The following FOXN3 variants were observed in gnomAD, a reference collection of about 807,000 sequenced individuals.
FOXN3 encodes the protein forkhead box N3.
In FOXN3, 7 loss-of-function variants were observed where a neutral mutation model predicts 38.4. That is an observed-to-expected ratio of 0.18 (90% CI 0.10 to 0.34). FOXN3 has a LOEUF of 0.34. FOXN3 is among the 10% of genes least tolerant of loss of function. The pLI is 1.00. For missense variants in FOXN3, 456 were observed against 613.4 expected (o/e 0.74, Z 2.71); for synonymous variants, 230 against 242.2 (o/e 0.95, Z 0.47).
chr14:89,339,498 C>T (rs1888554619), intron 3 of FOXN3, among the ~76,000 whole-genome samples: 1 of 152,170 alleles, frequency 6.6e-6, no homozygotes, highest in Non-Finnish European at 1.5e-5. Context: ...CCGTCTGCAC[C>T]AGGGCAAGCG....
chr14:89,200,035 A>C (rs902371977), intron 4 of FOXN3, among the ~76,000 whole-genome samples: 19 of 152,240 alleles, frequency 1.2e-4, no homozygotes, highest in Admixed American at 1.2e-3. Context: ...TACCCAACGG[A>C]TGACTGTGCT....
At chr14:89,584,231 T>C (rs980522692) in intron 1 of FOXN3, among the ~76,000 whole-genome samples, 7 of 151,826 alleles carry the variant, frequency 4.6e-5, no homozygotes, top group Non-Finnish European at 7.4e-5. Flanking sequence ...AACCCCATCT[T>C]TACTAAAAAT....
Position 89,511,233 on chromosome 14 carries a change from T to C in FOXN3, c.-14-98743A>G, listed in dbSNP as rs1474210474. ...TTTCTTTCTTTCTTTCTTTCTTTTCTTTCCTTTTCTTTCTTTTCTTTCTTT... is the reference window on the plus strand; with the variant it reads ...TTTCTTTCTTTCTTTCTTTCTTTTCCTTCCTTTTCTTTCTTTTCTTTCTTT... On this transcript the variant is annotated intron_variant, in intron 1 of 6. Coordinates refer to the FOXN3 transcript ENST00000345097. 2.4e-3 allele frequency among the ~76,000 whole-genome samples: 57 copies of C among 24,104 alleles called. 20 individuals are homozygous for C. The highest frequency in any genetic ancestry group is 9.3e-3 in the Non-Finnish European group (42 of 4,498). 15.8% of individuals were successfully genotyped at this position (24,104 alleles called of 152,430 possible).
At chr14:89,559,173 T>A (rs1431258053) in intron 1 of FOXN3, among the ~76,000 whole-genome samples, 1 of 149,480 alleles carries the variant, frequency 6.7e-6, no homozygotes, top group Non-Finnish European at 1.5e-5. Context: ...AAGACCAGCC[T>A]GGGCAATATA....
chr14:89,262,069 C>A (rs1401223281), intron 4 of FOXN3, among the ~76,000 whole-genome samples: 2 of 152,002 alleles, frequency 1.3e-5, no homozygotes, highest in Non-Finnish European at 2.9e-5. Flanking sequence ...GCGCACTGCA[C>A]TCCAGCCTGG....
intron 2 of FOXN3, among the ~76,000 whole-genome samples, chr14:89,395,222 T>TC (rs942665379): frequency 6.6e-6 from 1 of 152,026 alleles, no homozygotes; most frequent in Non-Finnish European, 1.5e-5. Flanking sequence ...AATAAAAGAG[T>TC]CCCCTGTGGC....
At chr14:89,222,501 C>T (rs183215192) in intron 4 of FOXN3, among the ~76,000 whole-genome samples, 193 of 152,280 alleles carry the variant, frequency 1.3e-3, no homozygotes, top group African/African-American at 4.4e-3. Flanking sequence ...TAATGTTTAC[C>T]GTGAATCTAA....
intron 5 of FOXN3, among the ~76,000 whole-genome samples, chr14:89,170,724 A>G (rs915733801): frequency 1.3e-4 from 20 of 152,278 alleles, no homozygotes; most frequent in African/African-American, 4.8e-4. Flanking sequence ...CAAAAATTAA[A>G]AACAACCATC....
chr14:89,609,020 G>A (rs1188326211), intron 1 of FOXN3, among the ~76,000 whole-genome samples: 1 of 152,138 alleles, frequency 6.6e-6, no homozygotes, highest in African/African-American at 2.4e-5. Context: ...GAAGGTTGTG[G>A]CCAGGGAACA....
rs1034736389 is a variant in FOXN3 at position 89,303,527 on chromosome 14, T to C, written c.681-22513A>G. On this transcript the variant is annotated intron_variant, in intron 3 of 5. Transcript: ENST00000557258. ...AAAAAAACAAAAAAAAAACTAGCCC[T>C]ATAAAGTATATAGGGCTGGTATTAT... Among the ~76,000 whole-genome samples, 3 of 149,320 alleles carry C rather than the reference T, an allele frequency of 2.0e-5. No individual in the cohort carries two copies. The East Asian group carries it at 5.9e-4, about 29-fold the overall frequency.
At chr14:89,525,253 G>A (rs1048525223) in intron 1 of FOXN3, among the ~76,000 whole-genome samples, 2 of 151,412 alleles carry the variant, frequency 1.3e-5, no homozygotes, top group Non-Finnish European at 3.0e-5. Flanking sequence ...AATAAAACAG[G>A]TTGCAGTAAA....
rs1232423515 is a variant in FOXN3, at chr14:89,158,729, A to G, written c.*3685T>C. The G allele has an allele frequency of 6.6e-6, 1 of 152,544 alleles. No individual in the cohort carries two copies. The highest frequency in any genetic ancestry group is 2.4e-5 in the African/African-American group (1 of 41,426). 9.4% of individuals were successfully genotyped at this position (152,544 alleles called of 1,614,324 possible). ...ACTGTTTATATGTATATCATTTAAG[A>G]AAAAAAAGAGTGACTGTCTCTTTCT... On this transcript the variant is annotated 3_prime_UTR_variant, in exon 6 of 6. Transcript: ENST00000557258.
At chr14:89,270,193 C>T (rs554205792) in intron 4 of FOXN3, among the ~76,000 whole-genome samples, 11 of 152,332 alleles carry the variant, frequency 7.2e-5, no homozygotes, top group African/African-American at 2.6e-4. Context: ...CTATTCCACT[C>T]CTTCCATGGC....
In FOXN3 at chr14:89,483,134, G is replaced by A. The variant is rs577897339; in HGVS notation, c.-14-70644C>T. On this transcript the variant is annotated intron_variant, in intron 1 of 6. Coordinates refer to the FOXN3 transcript ENST00000345097. ...AAGCAGGAGAATCGCTTGAACCCAGGAGGTGGAGGTTGCACAGACCCAAGA... is the reference window on the plus strand; with the variant it reads ...AAGCAGGAGAATCGCTTGAACCCAGAAGGTGGAGGTTGCACAGACCCAAGA... Among the ~76,000 whole-genome samples the A allele has an allele frequency of 1.1e-3, 168 of 152,248 alleles. 1 individual carries two copies. Among genetic ancestry groups the A allele is most frequent in the African/African-American group, 3.9e-3 (162 of 41,546 alleles).
chr14:89,433,012 A>G (rs1892195148), intron 1 of FOXN3, among the ~76,000 whole-genome samples: 3 of 152,184 alleles, frequency 2.0e-5, no homozygotes. Flanking sequence ...GCTACTAATC[A>G]TAGTCACCCT....
At chr14:89,531,572 G>C (rs1175824323) in intron 1 of FOXN3, among the ~76,000 whole-genome samples, 1 of 152,134 alleles carries the variant, frequency 6.6e-6, no homozygotes, top group Non-Finnish European at 1.5e-5. Context: ...GCTATCACTG[G>C]AGCATTCATG....
At chr14:89,335,737 G>A (rs1026790922) in intron 3 of FOXN3, among the ~76,000 whole-genome samples, 2 of 152,066 alleles carry the variant, frequency 1.3e-5, no homozygotes, top group Admixed American at 6.5e-5. Context: ...GATTCAGGAC[G>A]GTGGTTAGAG....
rs1421004859 is a variant in FOXN3, at chr14:89,506,304, C to T, written c.-14-93814G>A. The stretch of plus-strand genomic sequence containing the variant: ...GGGGTCAGCCCCCCGCCCGGCCAGC[C>T]GCCCCGTCCGGGAGGGAGGTGGGGG... On this transcript the variant is annotated intron_variant, in intron 1 of 6. Coordinates refer to the FOXN3 transcript ENST00000345097. Among the ~76,000 whole-genome samples, 8 of 80,906 alleles carry T rather than the reference C, an allele frequency of 9.9e-5. 1 individual carries two copies. In the East Asian group the frequency reaches 1.6e-3, roughly 17 times the overall value. 53.1% of individuals were successfully genotyped at this position (80,906 alleles called of 152,430 possible).
At chr14:89,359,778 G>C (rs1037469982) in intron 2 of FOXN3, among the ~76,000 whole-genome samples, 9 of 152,182 alleles carry the variant, frequency 5.9e-5, no homozygotes, top group African/African-American at 2.2e-4. Flanking sequence ...CCCCGATACT[G>C]CAAGGGAGCA....
Sources: gnomAD v4.1 joint callset for allele counts (sites outside exome capture counted in the v4.1 genomes callset) on GRCh38, gnomAD v4.1.1 for gene constraint, MANE v1.5 for transcripts, NCBI Gene and HGNC (gene_info 2026-07-23, HGNC 2026-07-21) for gene names.